AIRIM: variants seen among roughly 807,000 people sequenced by gnomAD.
AIRIM encodes AFG2 interacting ribosome maturation factor.
At chr1:37,690,758 T>C in the AIRIM span, among the ~76,000 whole-genome samples, 50 of 152,180 alleles carry the variant, frequency 3.3e-4, no homozygotes, top group Non-Finnish European at 5.7e-4. Flanking sequence ...TGGCATGTCC[T>C]GTTAGCTGTG....
chr1:37,688,343 G>A, the AIRIM span, among the ~76,000 whole-genome samples: 18 of 152,190 alleles, frequency 1.2e-4, no homozygotes, highest in African/African-American at 4.1e-4. Context: ...CCACCGTGCC[G>A]GGCCAGTCAT....
chr1:37,690,590 A>C, the AIRIM span: 1 of 734,636 alleles, frequency 1.4e-6, no homozygotes. Flanking sequence ...TGAGTCGCGA[A>C]AATATATCGT....
At chr1:37,683,233 G>C in the AIRIM span, 1 of 1,609,442 alleles carries the variant, frequency 6.2e-7, no homozygotes, top group Non-Finnish European at 8.5e-7. Context: ...GGCACAGCAA[G>C]GGCACCTTCC....
the AIRIM span, chr1:37,686,457 AAG>A: frequency 1.2e-6 from 2 of 1,611,396 alleles, no homozygotes; most frequent in Admixed American, 3.4e-5. Context: ...ATGGCTCTGC[AAG>A]AAAGAGTCTG....
chr1:37,683,348 G>A, the AIRIM span: 3 of 1,614,042 alleles, frequency 1.9e-6, no homozygotes, highest in African/African-American at 2.7e-5. Context: ...TTCGTCTTTT[G>A]AAATTCGGTC....
chr1:37,683,203 G>A, the AIRIM span: 47 of 1,603,162 alleles, frequency 2.9e-5, no homozygotes, highest in South Asian at 2.5e-4. Flanking sequence ...CACCTCTCCC[G>A]AGAACATAAA....
chr1:37,689,880 T>C, the AIRIM span: 7 of 1,543,968 alleles, frequency 4.5e-6, no homozygotes, highest in Non-Finnish European at 6.1e-6. Context: ...TCTTGAGTCA[T>C]CTTCTGCTGA....
the AIRIM span, chr1:37,689,695 C>G: frequency 6.2e-7 from 1 of 1,614,086 alleles, no homozygotes; most frequent in Non-Finnish European, 8.5e-7. Context: ...AGGCCCGAAG[C>G]GCCGGCACAT....
At chr1:37,682,995 C>T in the AIRIM span, 2 of 997,274 alleles carry the variant, frequency 2.0e-6, no homozygotes, top group Non-Finnish European at 3.1e-6. Context: ...AGACCCAGTC[C>T]TAAGGTTCAA....
chr1:37,685,122 C>T, the AIRIM span, among the ~76,000 whole-genome samples: 1 of 142,506 alleles, frequency 7.0e-6, no homozygotes, highest in South Asian at 2.1e-4. Flanking sequence ...CTGTTAAAAA[C>T]ATAGGTCTTA....
At chr1:37,684,770 A>G in the AIRIM span, among the ~76,000 whole-genome samples, 16 of 152,332 alleles carry the variant, frequency 1.1e-4, no homozygotes, top group East Asian at 3.1e-3. Context: ...CAGGAAACCA[A>G]AAGTCAAGAC....
chr1:37,683,274 G>A, the AIRIM span: 2 of 1,613,058 alleles, frequency 1.2e-6, no homozygotes, highest in Non-Finnish European at 1.7e-6. Flanking sequence ...GCCACAGGGA[G>A]AGAAAGGAGG....
the AIRIM span, among the ~76,000 whole-genome samples, chr1:37,687,340 C>T: frequency 1.3e-5 from 2 of 151,664 alleles, no homozygotes; most frequent in Non-Finnish European, 2.9e-5. Flanking sequence ...CCATGTTGGT[C>T]AGGCTGGTCT....
At chr1:37,690,307 C>A in the AIRIM span, 1 of 1,291,024 alleles carries the variant, frequency 7.7e-7, no homozygotes, top group Non-Finnish European at 1.0e-6. Flanking sequence ...CTGAAGGAGA[C>A]CCTGGTTTCC....
the AIRIM span, chr1:37,689,438 G>T: frequency 1.4e-6 from 1 of 720,128 alleles, no homozygotes; most frequent in Non-Finnish European, 2.2e-6. Context: ...CCAGAAAATG[G>T]CTTTCTGACC....
At chr1:37,686,195 T>A in the AIRIM span, 2 of 1,383,386 alleles carry the variant, frequency 1.4e-6, no homozygotes, top group South Asian at 3.0e-5. Flanking sequence ...ACTACTTAGT[T>A]TTCCAATCTT....
chr1:37,689,699 G>C, the AIRIM span: 13 of 1,614,000 alleles, frequency 8.1e-6, no homozygotes, highest in Admixed American at 5.0e-5. Flanking sequence ...CCGAAGCGCC[G>C]GCACATCCTC....
the AIRIM span, chr1:37,682,751 G>C: frequency 1.1e-5 from 2 of 175,096 alleles, no homozygotes; most frequent in African/African-American, 4.7e-5. Context: ...ACAATGCTTT[G>C]GATGATGCCA....
the AIRIM span, chr1:37,682,867 C>T: frequency 2.0e-6 from 1 of 493,604 alleles, no homozygotes; most frequent in African/African-American, 1.9e-5. Context: ...TGTTGTCTCT[C>T]TAGCTCCATC....
Sources: allele counts gnomAD v4.1 joint callset (sites outside exome capture counted in the v4.1 genomes callset), GRCh38; gene constraint gnomAD v4.1.1; transcripts MANE v1.5; gene names NCBI Gene and HGNC (gene_info 2026-07-23, HGNC 2026-07-21).